The following SYCP1 variants were observed in gnomAD, a reference collection of about 807,000 sequenced individuals.
The protein encoded by SYCP1 is synaptonemal complex protein 1.
Under a neutral mutation model 153.1 loss-of-function variants are expected in SYCP1, and 64 were observed. That is an observed-to-expected ratio of 0.42 (90% CI 0.34 to 0.51). The LOEUF (loss-of-function observed/expected upper bound fraction) is 0.51. Among genes scored for constraint, SYCP1 ranks in the 20% least tolerant of loss-of-function variants. The pLI, the probability that SYCP1 is intolerant of heterozygous loss-of-function variation, is 0.06. For synonymous variants in SYCP1, 384 were observed against 341.8 expected (o/e 1.12, Z -1.36); for missense variants, 997 against 1,049.0 (o/e 0.95, Z 0.68).
intron 8 of SYCP1, among the ~76,000 whole-genome samples, chr1:114,870,911 A>G (rs772307585): frequency 2.6e-4 from 39 of 151,932 alleles, no homozygotes; most frequent in Non-Finnish European, 4.9e-4. Context: ...CTGTTTTTCT[A>G]TTTGTTGTCC....
chr1:114,949,087 C>T (rs1426316263), intron 27 of SYCP1, among the ~76,000 whole-genome samples: 13 of 152,080 alleles, frequency 8.5e-5, no homozygotes, highest in Non-Finnish European at 1.2e-4. Flanking sequence ...GTGCTAGCTC[C>T]CTGAGGCTCA....
intron 24 of SYCP1, 104 bp downstream of exon 24, chr1:114,944,559 T>C (rs1405793225): frequency 8.2e-6 from 6 of 731,688 alleles, no homozygotes; most frequent in Non-Finnish European, 1.3e-5. Context: ...AAATTACAAT[T>C]TTAGAAAAGG....
chr1:114,921,698 G>A lies in SYCP1; in HGVS notation c.1719-1751G>A, dbSNP rs980823732. Among the ~76,000 whole-genome samples, 7 of 151,352 alleles carry A rather than the reference G, an allele frequency of 4.6e-5. No homozygotes were observed. In the South Asian group the frequency reaches 8.3e-4, roughly 18 times the overall value. ...TGAGTAGTTACATTCCACAATTACA[G>A]TGTTATAATGTTCTATGTATTTACT... On this transcript the variant is annotated intron_variant, in intron 20 of 31. Transcript: ENST00000369522.
chr1:114,882,052 C>A (rs1241677307), intron 12 of SYCP1, among the ~76,000 whole-genome samples: 4 of 151,870 alleles, frequency 2.6e-5, no homozygotes, highest in Non-Finnish European at 5.9e-5. Context: ...AAGAAAAAAA[C>A]GTGGAAAAAA....
At chr1:114,907,347 T>G (rs888994765) in intron 16 of SYCP1, among the ~76,000 whole-genome samples, 3 of 152,208 alleles carry the variant, frequency 2.0e-5, no homozygotes, top group African/African-American at 7.2e-5. Flanking sequence ...TTAGATTAGA[T>G]TCACCATTTA....
intron 21 of SYCP1, 155 bp downstream of exon 21, chr1:114,923,685 G>T: frequency 1.4e-6 from 1 of 713,402 alleles, no homozygotes; most frequent in Non-Finnish European, 2.0e-6. Flanking sequence ...TCTAGGAAAG[G>T]TTGGATTATT....
At chr1:114,936,142 A>G (rs1172005673) in intron 23 of SYCP1, among the ~76,000 whole-genome samples, 1 of 152,188 alleles carries the variant, frequency 6.6e-6, no homozygotes, top group East Asian at 1.9e-4. Context: ...ACATTGACGC[A>G]AAAATCCTCA....
intron 8 of SYCP1, among the ~76,000 whole-genome samples, chr1:114,864,849 G>A (rs1387252811): frequency 6.6e-6 from 1 of 151,892 alleles, no homozygotes; most frequent in African/African-American, 2.4e-5. Context: ...ATTCTTGTCT[G>A]TTTTATTTTA....
intron 27 of SYCP1, among the ~76,000 whole-genome samples, chr1:114,955,434 C>G (rs746173787): frequency 6.6e-6 from 1 of 152,130 alleles, no homozygotes; most frequent in Non-Finnish European, 1.5e-5. Flanking sequence ...AAGTGTTTTC[C>G]TTGCTTCTGT....
intron 21 of SYCP1, among the ~76,000 whole-genome samples, chr1:114,923,803 C>T (rs1393429334): frequency 6.6e-6 from 1 of 151,916 alleles, no homozygotes; most frequent in African/African-American, 2.4e-5. Flanking sequence ...AAATAAAAGG[C>T]TCATACTTCA....
At position 114,981,507 on chromosome 1, in the gene SYCP1, C is replaced by T. The variant is rs771521233; in HGVS notation, c.2554C>T (p.Pro852Ser). Reference protein sequence around the residue: ...SAKNTLSTPLPKAYTVKTPTK... With the variant: ...SAKNTLSTPLSKAYTVKTPTK... ...CAAAAATACTTTATCTACACCATTG[C>T]CAAAGGTTTGTGTCTAAATTTTCCA... Residue 852 changes from proline to serine, a missense_variant, in exon 29 of 32, where the codon CCA becomes TCA. By Grantham distance (74) the Pro-to-Ser change is moderately conservative. This residue lies in a region of SYCP1 where 712 missense variants were observed against 682.9 expected (regional missense o/e 1.04). Coordinates refer to ENST00000369522, the MANE Select transcript of SYCP1 (RefSeq NM_003176.4). The T allele has an allele frequency of 5.1e-6, 8 of 1,581,664 alleles. No homozygotes were observed. The highest frequency in any genetic ancestry group is 1.7e-6 in the Non-Finnish European group (2 of 1,170,860).
chr1:114,889,441 C>T (rs992523793), intron 15 of SYCP1, among the ~76,000 whole-genome samples: 3 of 152,182 alleles, frequency 2.0e-5, no homozygotes, highest in Non-Finnish European at 4.4e-5. Flanking sequence ...ATTTTCATTT[C>T]TCTGATGACC....
At chr1:114,882,990 T>C (rs1002734778) in intron 12 of SYCP1, among the ~76,000 whole-genome samples, 1 of 152,212 alleles carries the variant, frequency 6.6e-6, no homozygotes. Context: ...AAATTCTCTA[T>C]CCCATCATAT....
At chr1:114,926,731 G>A (rs1300140978) in intron 23 of SYCP1, among the ~76,000 whole-genome samples, 168 bp downstream of exon 23, 1 of 152,020 alleles carries the variant, frequency 6.6e-6, no homozygotes, top group African/African-American at 2.4e-5. Flanking sequence ...AACTCTTTTA[G>A]TTGTAATAGA....
chr1:114,955,612 A>T (rs193264745), intron 27 of SYCP1, among the ~76,000 whole-genome samples: 2 of 152,266 alleles, frequency 1.3e-5, no homozygotes, highest in East Asian at 3.9e-4. Context: ...GTCACCATTA[A>T]CCCACTCTTA....
chr1:114,864,440 TC>T (rs1297854437), intron 8 of SYCP1, among the ~76,000 whole-genome samples: 1 of 151,884 alleles, frequency 6.6e-6, no homozygotes, highest in Non-Finnish European at 1.5e-5. Context: ...GTATTTTTCA[TC>T]TTTTTTCTCA....
At chr1:114,869,883 GATTA>G (rs1664997473) in intron 8 of SYCP1, among the ~76,000 whole-genome samples, 1 of 152,048 alleles carries the variant, frequency 6.6e-6, no homozygotes, top group Non-Finnish European at 1.5e-5. Context: ...TATAATAGTG[GATTA>G]ATTTATTTCT....
intron 27 of SYCP1, among the ~76,000 whole-genome samples, chr1:114,967,592 G>A (rs1297534426): frequency 1.3e-5 from 2 of 152,136 alleles, no homozygotes; most frequent in Non-Finnish European, 2.9e-5. Context: ...CGTGAGATGG[G>A]TCTCCTGAAT....
In SYCP1 at chr1:114,923,501, A is replaced by C. The variant is rs1276709148; in HGVS notation, c.1771A>C (p.Lys591Gln). 3 of 1,592,006 alleles carry C rather than the reference A, an allele frequency of 1.9e-6. No homozygotes were observed. In the African/African-American group the frequency reaches 4.0e-5, roughly 21 times the overall value. Residue 591 changes from lysine (K) to glutamine (Q), a missense_variant, in exon 21 of 32, where the codon AAA becomes CAA. Coordinates refer to ENST00000369522, the MANE Select transcript of SYCP1 (RefSeq NM_003176.4). ...EELKQKRDEV[K>Q]CKLDKSEENC... ...GCTAAAACAGAAAAGAGATGAAGTT[A>C]AATGTAAATTGGACAAGAGTGAAGA... is the stretch of plus-strand genomic sequence containing the variant.
Sources: gnomAD v4.1 joint callset for allele counts (sites outside exome capture counted in the v4.1 genomes callset) on GRCh38, gnomAD v4.1.1 for gene constraint, gnomAD v4.1.1 regional missense constraint, MANE v1.5 for transcripts, NCBI Gene and HGNC (gene_info 2026-07-23, HGNC 2026-07-21) for gene names.